PDCD2L: variants seen among roughly 807,000 people sequenced by gnomAD.
PDCD2L encodes the protein programmed cell death 2 like, also known as uS5 assembly chaperone PDCD2L.
Under a neutral mutation model 40.4 loss-of-function variants are expected in PDCD2L, and 44 were observed. The observed-to-expected ratio is 1.09, with a 90% CI of 0.86 to 1.40. PDCD2L has a LOEUF of 1.40. PDCD2L is among the 40% of genes most tolerant of loss of function. PDCD2L has a pLI of 0.00. For missense variants in PDCD2L, 470 were observed against 453.7 expected (o/e 1.04, Z -0.33); for synonymous variants, 194 against 174.6 (o/e 1.11, Z -0.88).
rs1263662744 is a variant in PDCD2L at position 34,404,429 on chromosome 19, C to T, written c.-2C>T. ...GCGTTTTCACCTGGTCGCCCGGCGG[C>T]CATGGCGGCCGTTCTGAAGCCGGTG... On this transcript the variant is annotated 5_prime_UTR_variant, in exon 1 of 7. Transcript: ENST00000246535. 1 of 1,540,968 alleles carries T rather than the reference C, an allele frequency of 6.5e-7. No individual in the cohort carries two copies. Among genetic ancestry groups the T allele is most frequent in the Middle Eastern group, 2.3e-4 (1 of 4,346 alleles).
At chr19:34,415,904 A>G (rs1411008427) in intron 5 of PDCD2L, among the ~76,000 whole-genome samples, 2 of 152,168 alleles carry the variant, frequency 1.3e-5, no homozygotes, top group Non-Finnish European at 2.9e-5. Flanking sequence ...TGCCTAAAAT[A>G]TACTGATGAG....
At chr19:34,425,705 T>C (rs922196908) in intron 6 of PDCD2L, among the ~76,000 whole-genome samples, 4 of 152,138 alleles carry the variant, frequency 2.6e-5, no homozygotes, top group Non-Finnish European at 5.9e-5. Flanking sequence ...TAGATTAATA[T>C]AGATTTTCAA....
At chr19:34,410,307 A>G (rs993861884) in intron 4 of PDCD2L, among the ~76,000 whole-genome samples, 1 of 152,224 alleles carries the variant, frequency 6.6e-6, no homozygotes, top group African/African-American at 2.4e-5. Flanking sequence ...GCTGGAGTGC[A>G]ATGGCACGAT....
rs1250323772 is a variant in PDCD2L at position 34,421,594 on chromosome 19, G to T, written c.873G>T (p.Gln291His). ...SEVTELPACS[Q>H]CGGQRIFEFQ... ...TCACCGAGCTCCCAGCCTGCAGCCA[G>T]TGTGGAGGCCAAAGGATATTTGAGT... The change falls in exon 6 of 7, where the codon CAG becomes CAT. Residue 291 changes from glutamine (Q) to histidine (H), a missense_variant. By Grantham distance (24) the Gln-to-His change is conservative. Coordinates refer to ENST00000246535, the MANE Select transcript of PDCD2L (RefSeq NM_032346.2). 1.2e-6 allele frequency: 2 copies of T among 1,614,036 alleles called. No homozygotes were observed. Among genetic ancestry groups the T allele is most frequent in the African/African-American group, 2.7e-5 (2 of 74,908 alleles).
chr19:34,407,447 T>C (rs1354280240), intron 3 of PDCD2L, among the ~76,000 whole-genome samples: 1 of 152,164 alleles, frequency 6.6e-6, no homozygotes, highest in East Asian at 1.9e-4. Flanking sequence ...CCACTCCAGA[T>C]TTCTTTAACC....
chr19:34,411,238 A>T (rs947186157), intron 4 of PDCD2L, among the ~76,000 whole-genome samples: 76 of 64,618 alleles, frequency 1.2e-3, no homozygotes, highest in South Asian at 1.8e-3. Context: ...TGGTGTGGTT[A>T]TGGCCTTTTT....
intron 4 of PDCD2L, among the ~76,000 whole-genome samples, chr19:34,410,282 G>A (rs562307143): frequency 2.0e-5 from 3 of 152,198 alleles, no homozygotes; most frequent in East Asian, 1.9e-4. Context: ...TTTGAGTTTC[G>A]CTGTTGTTAC....
Position 34,404,635 on chromosome 19 carries a change from C to T in PDCD2L, c.109-14C>T, listed in dbSNP as rs1270855083. ...GGGGGAGTCGGGGTCTGAGCGCCTC[C>T]TCTGTCCCCTCAGGATGCTCTGCCC... On this transcript the variant is annotated splice_polypyrimidine_tract_variant and intron_variant, in intron 1 of 6. Transcript: ENST00000246535. 2.5e-6 allele frequency: 4 copies of T among 1,608,524 alleles called. No individual in the cohort carries two copies. Among genetic ancestry groups the T allele is most frequent in the South Asian group, 1.1e-5 (1 of 90,954 alleles).
Position 34,421,653 on chromosome 19 carries a change from A to G in PDCD2L, c.932A>G (p.Lys311Arg), listed in dbSNP as rs1204892477. The G allele has an allele frequency of 6.2e-7, 1 of 1,612,950 alleles. No homozygotes were observed. The highest frequency in any genetic ancestry group is 8.5e-7 in the Non-Finnish European group (1 of 1,179,496). ...QLMPALVSML[K>R]SANLGLSVEF... ...ATGCCAGCACTGGTCAGCATGCTCA[A>G]GAGTGCTAATTTAGGTGAGAAGCCC... The change falls in exon 6 of 7, where the codon AAG (lysine) becomes AGG (arginine). Residue 311 changes from lysine (K) to arginine (R), a missense_variant. Transcript: ENST00000246535.
chr19:34,424,837 C>G (rs1024221335), intron 6 of PDCD2L, among the ~76,000 whole-genome samples: 2 of 151,056 alleles, frequency 1.3e-5, no homozygotes, highest in Non-Finnish European at 1.5e-5. Context: ...CTGTGCCTCC[C>G]AGGTTCAAGC....
Position 34,404,835 on chromosome 19 carries a change from A to G in PDCD2L, c.275+20A>G. The G allele has an allele frequency of 6.2e-7, 1 of 1,603,996 alleles. No homozygotes were observed. The highest frequency in any genetic ancestry group is 8.5e-7 in the Non-Finnish European group (1 of 1,176,504). On this transcript the variant is annotated intron_variant, in intron 2 of 6. Transcript: ENST00000246535. ...GCGCAGGTAGGCGGGGAAGTCCCAG[A>G]GCTGCTCCAGGGGTGTCCTTTCCAG...
At chr19:34,424,617 C>T (rs2075167441) in intron 6 of PDCD2L, among the ~76,000 whole-genome samples, 1 of 152,132 alleles carries the variant, frequency 6.6e-6, no homozygotes, top group South Asian at 2.1e-4. Flanking sequence ...CCCTCCAGCA[C>T]TTGGGAGAGG....
At chr19:34,406,990 C>T (rs1209295155) in intron 3 of PDCD2L, among the ~76,000 whole-genome samples, 1 of 152,008 alleles carries the variant, frequency 6.6e-6, no homozygotes, top group African/African-American at 2.4e-5. Flanking sequence ...GCACTCGCCA[C>T]CACGCCCAGC....
At chr19:34,408,155 A>G (rs2075085619) in intron 3 of PDCD2L, among the ~76,000 whole-genome samples, 1 of 151,796 alleles carries the variant, frequency 6.6e-6, no homozygotes, top group Non-Finnish European at 1.5e-5. Flanking sequence ...CAGTCCGCCC[A>G]CCTCAACCTC....
chr19:34,415,823 G>T (rs1436303887), intron 5 of PDCD2L, among the ~76,000 whole-genome samples: 3 of 152,156 alleles, frequency 2.0e-5, no homozygotes, highest in Non-Finnish European at 2.9e-5. Flanking sequence ...AGTTATCTTT[G>T]CAGAGAAAGG....
At chr19:34,409,649 A>G (rs1429936685) in intron 4 of PDCD2L, 139 bp downstream of exon 4, 8 of 668,784 alleles carry the variant, frequency 1.2e-5, no homozygotes, top group East Asian at 1.1e-4. Flanking sequence ...TCACTTCCTT[A>G]TCAGCCAACT....
At chr19:34,413,888 A>G in intron 5 of PDCD2L, 41 bp downstream of exon 5, 2 of 1,225,462 alleles carry the variant, frequency 1.6e-6, no homozygotes, top group Non-Finnish European at 2.4e-6. Flanking sequence ...TTCCTTGATT[A>G]TAAAGGAATA....
At chr19:34,408,154 C>T (rs2075085604) in intron 3 of PDCD2L, among the ~76,000 whole-genome samples, 1 of 152,128 alleles carries the variant, frequency 6.6e-6, no homozygotes, top group African/African-American at 2.4e-5. Flanking sequence ...ACAGTCCGCC[C>T]ACCTCAACCT....
Position 34,409,364 on chromosome 19 carries a change from T to A in PDCD2L, c.540T>A (p.Pro180=). 1 of 1,614,050 alleles carries A rather than the reference T, an allele frequency of 6.2e-7. No homozygotes were observed. The highest frequency in any genetic ancestry group is 8.5e-7 in the Non-Finnish European group (1 of 1,179,994). Residue 180 remains proline (P), a synonymous_variant, in exon 4 of 7, where the codon CCT becomes CCA. Transcript: ENST00000246535. ...TGGGTGCTGCCCATCCTGTGCCTCC[T>A]GGGCTGCCGCTCTTCCTGCCCTACT... The part of the protein sequence containing the change: ...AVLGAAHPVP[P]GLPLFLPYYI...
Sources: allele counts gnomAD v4.1 joint callset (sites outside exome capture counted in the v4.1 genomes callset), GRCh38; gene constraint gnomAD v4.1.1; transcripts MANE v1.5; gene names NCBI Gene and HGNC (gene_info 2026-07-23, HGNC 2026-07-21).